The following GPHN variants were observed in gnomAD, a reference collection of about 807,000 sequenced individuals.
GPHN encodes gephyrin.
GPHN carries 17 observed loss-of-function variants against 95.5 expected under a neutral mutation model. The ratio of observed to expected loss-of-function variants is 0.18; its 90% CI spans 0.12 to 0.27. GPHN has a LOEUF of 0.27. Ranked by LOEUF, GPHN falls within the 10% of genes least tolerant of loss-of-function variation. The pLI, the probability that GPHN is intolerant of heterozygous loss-of-function variation, is 1.00. For missense variants in GPHN, 660 were observed against 978.1 expected (o/e 0.67, Z 4.34); for synonymous variants, 320 against 322.5 (o/e 0.99, Z 0.08).
At chr14:66,759,688 GTTAC>G (rs1379974234) in intron 2 of GPHN, among the ~76,000 whole-genome samples, 7 of 152,112 alleles carry the variant, frequency 4.6e-5, no homozygotes, top group Non-Finnish European at 1.0e-4. Context: ...TTGCAACTCT[GTTAC>G]TTTTAAGTGC....
At chr14:67,426,851 A>C in the GPHN span, among the ~76,000 whole-genome samples, 14,083 of 152,264 alleles carry the variant, frequency 0.092, 725 homozygotes, top group Admixed American at 0.16. Context: ...CTGGGATTAC[A>C]GGCGTGAGCC....
chr14:66,922,759 G>A lies in GPHN; in HGVS notation c.550G>A (p.Glu184Lys), dbSNP rs2153561484. The A allele has an allele frequency of 6.2e-7, 1 of 1,613,752 alleles. No homozygotes were observed. The highest frequency in any genetic ancestry group is 8.5e-7 in the Non-Finnish European group (1 of 1,179,722). ...VKVKEVHDEL[E>K]DLPSPPPPLS... is the part of the protein sequence containing the mutation. ...AGTAAAGGAGGTGCATGATGAACTT[G>A]AAGATTTGCCTTCCCCACCTCCCCC... Residue 184 changes from glutamate (E) to lysine (K), a missense_variant, in exon 7 of 23, where the codon GAA becomes AAA. Physicochemically the swap from Glu to Lys is moderately conservative, Grantham distance 56. Coordinates refer to ENST00000478722, the MANE Select transcript of GPHN (RefSeq NM_020806.5).
intron 3 of GPHN, among the ~76,000 whole-genome samples, chr14:66,817,516 A>G (rs1566976518): frequency 6.6e-6 from 1 of 152,154 alleles, no homozygotes; most frequent in East Asian, 1.9e-4. Flanking sequence ...TTACATTAAA[A>G]ACCACCACAA....
At chr14:67,199,935 A>C in the GPHN span, 4 of 1,443,444 alleles carry the variant, frequency 2.8e-6, no homozygotes, top group Non-Finnish European at 3.7e-6. Flanking sequence ...GACACTCCCA[A>C]GCTCACCCAT....
intron 10 of GPHN, among the ~76,000 whole-genome samples, chr14:67,052,931 G>C (rs2075369613): frequency 6.6e-6 from 1 of 152,070 alleles, no homozygotes; most frequent in African/African-American, 2.4e-5. Context: ...AGAACCTCTG[G>C]GACGCAGCCA....
chr14:67,577,360 C>G, the GPHN span: 3 of 1,591,114 alleles, frequency 1.9e-6, no homozygotes, highest in South Asian at 2.3e-5. Flanking sequence ...TATACGCCTC[C>G]CTCACCACCC....
At chr14:67,600,293 A>G in the GPHN span, 5 of 1,160,466 alleles carry the variant, frequency 4.3e-6, no homozygotes, top group Admixed American at 3.2e-5. Flanking sequence ...CGCTTCCGGC[A>G]GCCGCGTCAC....
rs112327589 is a variant in GPHN, at chr14:66,702,841, T to G, written c.143+21656T>G. On this transcript the variant is annotated intron_variant, in intron 2 of 22. Transcript: ENST00000478722. ...CTTCAGAAGATGGGTAATAAAAAACTACATGGAGCTAAAGGAGCATGTTCT... is the reference window on the plus strand; with the variant it reads ...CTTCAGAAGATGGGTAATAAAAAACGACATGGAGCTAAAGGAGCATGTTCT... Among the ~76,000 whole-genome samples the G allele has an allele frequency of 3.6e-3, 555 of 152,198 alleles. 12 individuals are homozygous for G. Among genetic ancestry groups the G allele is most frequent in the African/African-American group, 0.013 (529 of 41,536 alleles).
At chr14:66,796,930 C>A (rs2060177426) in intron 3 of GPHN, among the ~76,000 whole-genome samples, 1 of 145,258 alleles carries the variant, frequency 6.9e-6, no homozygotes, top group Non-Finnish European at 1.5e-5. Context: ...CCTATGTTTT[C>A]TTGTAGTTTC....
In GPHN at chr14:66,684,913, A is replaced by G. The variant is rs112138666; in HGVS notation, c.143+3728A>G. ...TGTCCCTCCCCTCTCACCCCACCCC[A>G]CAACAGGCCCCAGTGTGTGATGTTC... is the stretch of plus-strand genomic sequence containing the variant. On this transcript the variant is annotated intron_variant, in intron 2 of 22. Coordinates refer to ENST00000478722, the MANE Select transcript of GPHN (RefSeq NM_020806.5). 3.6e-3 allele frequency among the ~76,000 whole-genome samples: 553 copies of G among 151,960 alleles called. 12 individuals are homozygous for G. The highest frequency in any genetic ancestry group is 0.013 in the African/African-American group (527 of 41,456).
At chr14:67,131,736 C>T (rs1017366945) in intron 17 of GPHN, among the ~76,000 whole-genome samples, 1 of 152,140 alleles carries the variant, frequency 6.6e-6, no homozygotes, top group African/African-American at 2.4e-5. Context: ...AAAGATCTTA[C>T]AAATTTACTT....
At chr14:66,686,289 C>T (rs1389075237) in intron 2 of GPHN, among the ~76,000 whole-genome samples, 1 of 152,084 alleles carries the variant, frequency 6.6e-6, no homozygotes, top group African/African-American at 2.4e-5. Context: ...TGAAGAAAGT[C>T]ATGGTAGCTT....
chr14:67,277,242 G>A, the GPHN span, among the ~76,000 whole-genome samples: 1 of 152,132 alleles, frequency 6.6e-6, no homozygotes, highest in Admixed American at 6.5e-5. Flanking sequence ...AGGTGCTTAC[G>A]TGTAGATCAC....
At chr14:67,383,633 A>G in the GPHN span, 1 of 677,132 alleles carries the variant, frequency 1.5e-6, no homozygotes, top group Non-Finnish European at 2.4e-6. Flanking sequence ...CAGTAGCTCC[A>G]ACACTTTGAG....
the GPHN span, among the ~76,000 whole-genome samples, chr14:67,288,094 C>A: frequency 6.6e-6 from 1 of 151,340 alleles, no homozygotes; most frequent in African/African-American, 2.4e-5. Flanking sequence ...TTTTTTTTTC[C>A]TTCGAGACAG....
At chr14:66,519,045 G>C (rs1222086060) in intron 1 of GPHN, among the ~76,000 whole-genome samples, 1 of 151,842 alleles carries the variant, frequency 6.6e-6, no homozygotes, top group African/African-American at 2.4e-5. Flanking sequence ...TATCTAATCT[G>C]ATCACCATAC....
rs527981701 is a variant in GPHN, at chr14:66,583,220, T to G, written c.64+74629T>G. Among the ~76,000 whole-genome samples, 455 of 152,292 alleles carry G rather than the reference T, an allele frequency of 3.0e-3. 3 individuals carry two copies. Among genetic ancestry groups the G allele is most frequent in the African/African-American group, 0.01 (436 of 41,568 alleles). ...GTCTGTTCATATTCTTTGCCCACTT[T>G]TTGATGTGGTTGTTTGTTTTTTTCT... On this transcript the variant is annotated intron_variant, in intron 1 of 22. Coordinates refer to ENST00000478722, the MANE Select transcript of GPHN (RefSeq NM_020806.5).
the GPHN span, among the ~76,000 whole-genome samples, chr14:67,652,046 C>T: frequency 6.6e-6 from 1 of 152,188 alleles, no homozygotes; most frequent in African/African-American, 2.4e-5. Context: ...AGGAATTTAT[C>T]ACTGTAGGAA....
At chr14:66,632,495 T>A (rs1345567198) in intron 1 of GPHN, among the ~76,000 whole-genome samples, 2 of 149,454 alleles carry the variant, frequency 1.3e-5, no homozygotes, top group African/African-American at 2.4e-5. Context: ...CATTCTTTTT[T>A]TTTTTTTTTT....
Sources: gnomAD v4.1 joint callset for allele counts (sites outside exome capture counted in the v4.1 genomes callset) on GRCh38, gnomAD v4.1.1 for gene constraint, MANE v1.5 for transcripts, NCBI Gene and HGNC (gene_info 2026-07-23, HGNC 2026-07-21) for gene names.